The following ERCC6L2 variants were observed in gnomAD, a reference collection of about 807,000 sequenced individuals.
The protein encoded by ERCC6L2 is ERCC excision repair 6 like 2, also known as DNA excision repair protein ERCC-6-like 2.
In ERCC6L2, 77 loss-of-function variants were observed where a neutral mutation model predicts 132.0. That is an observed-to-expected ratio of 0.58 (90% CI 0.49 to 0.71). The LOEUF is 0.71. Among genes scored for constraint, ERCC6L2 ranks in the 30% least tolerant of loss-of-function variants. ERCC6L2 has a pLI of 0.00. For synonymous variants in ERCC6L2, 583 were observed against 632.4 expected (o/e 0.92, Z 1.17); for missense variants, 1,542 against 1,837.6 (o/e 0.84, Z 2.94).
chr9:96,031,061 A>C (rs1834453021), intron 19 of ERCC6L2, among the ~76,000 whole-genome samples: 1 of 152,150 alleles, frequency 6.6e-6, no homozygotes, highest in Non-Finnish European at 1.5e-5. Flanking sequence ...TGATTAAAAC[A>C]AGTCCCGGAC....
rs1473433263 is a variant in ERCC6L2 at position 95,985,517 on chromosome 9, A to G, written c.3492+7302A>G. Among the ~76,000 whole-genome samples the G allele has an allele frequency of 2.0e-5, 3 of 152,304 alleles. No individual in the cohort carries two copies. The East Asian group carries it at 5.8e-4, about 29-fold the overall frequency. ...GTGTTCTTCATTGTCATTATATGTC[A>G]TCTGTTGGCCATAATGCTGGTATAG... On this transcript the variant is annotated intron_variant, in intron 17 of 18. Coordinates refer to ENST00000653738, the MANE Select transcript of ERCC6L2 (RefSeq NM_020207.7).
At chr9:96,005,501 C>T (rs898295427) in intron 18 of ERCC6L2, among the ~76,000 whole-genome samples, 1 of 151,922 alleles carries the variant, frequency 6.6e-6, no homozygotes, top group Non-Finnish European at 1.5e-5. Context: ...GGAAGACTGT[C>T]TACATGGGTA....
chr9:95,951,380 A>C (rs1247888277), intron 12 of ERCC6L2, among the ~76,000 whole-genome samples: 1 of 152,180 alleles, frequency 6.6e-6, no homozygotes, highest in Non-Finnish European at 1.5e-5. Flanking sequence ...ATCAACAATT[A>C]ACTTTCCACC....
intron 16 of ERCC6L2, among the ~76,000 whole-genome samples, chr9:95,976,483 C>T (rs571457851): frequency 1.3e-5 from 2 of 152,128 alleles, no homozygotes; most frequent in Admixed American, 6.5e-5. Flanking sequence ...TTGTGCTTTC[C>T]GGTGAATACC....
intron 6 of ERCC6L2, among the ~76,000 whole-genome samples, chr9:95,917,536 A>G (rs74542506): frequency 0.13 from 19,434 of 152,238 alleles, 1,318 homozygotes; most frequent in South Asian, 0.24. Context: ...CTGACTTTTG[A>G]TATTTATCTA....
In ERCC6L2 at chr9:95,938,721, GTGTTT is replaced by G. The variant is rs377256609; in HGVS notation, c.1752-2721_1752-2717del. ...GCCTAGCTGTGTCATCATATTTAAAGTGTTTTGTTTTGTTTTTTGTGGAGAGCATA... is the reference window on the plus strand; with the variant it reads ...GCCTAGCTGTGTCATCATATTTAAAGTGTTTTGTTTTTTGTGGAGAGCATA... On this transcript the variant is annotated intron_variant, in intron 11 of 18. Transcript: ENST00000653738. 8.6e-3 allele frequency among the ~76,000 whole-genome samples: 1,301 copies of G among 152,040 alleles called. 21 individuals are homozygous for G. The highest frequency in any genetic ancestry group is 0.029 in the African/African-American group (1,220 of 41,484).
intron 5 of ERCC6L2, 86 bp from the exon 6 acceptor site, chr9:95,916,141 A>G: frequency 8.3e-7 from 1 of 1,202,754 alleles, no homozygotes; most frequent in Non-Finnish European, 1.2e-6. Context: ...GTTGATAATC[A>G]AGTAATGTAG....
At chr9:95,976,587 A>G (rs146331977) in intron 16 of ERCC6L2, among the ~76,000 whole-genome samples, 22 of 152,308 alleles carry the variant, frequency 1.4e-4, no homozygotes, top group African/African-American at 5.3e-4. Flanking sequence ...CAGAGTTCAT[A>G]GCTAGTGGAG....
At chr9:96,039,273 G>C (rs974227709) in intron 20 of ERCC6L2, among the ~76,000 whole-genome samples, 7 of 152,198 alleles carry the variant, frequency 4.6e-5, no homozygotes, top group Non-Finnish European at 1.0e-4. Context: ...GGGCAGGCGA[G>C]CCCCAGCCAG....
At chr9:95,985,822 C>G (rs1468407092) in intron 17 of ERCC6L2, among the ~76,000 whole-genome samples, 1 of 152,136 alleles carries the variant, frequency 6.6e-6, no homozygotes, top group African/African-American at 2.4e-5. Flanking sequence ...TTGGTACATA[C>G]CAACCACAGA....
Position 95,875,705 on chromosome 9 carries a change from T to G in ERCC6L2, c.-334T>G. ...AGACGGAAGTCAGAGCCTAGGAAGA[T>G]TTGGGGGTCGCCTTGCCGGCCTCCT... On this transcript the variant is annotated 5_prime_UTR_variant, in exon 1 of 19. Transcript: ENST00000653738. The G allele has an allele frequency of 1.2e-5, 5 of 400,578 alleles. No homozygotes were observed. The highest frequency in any genetic ancestry group is 2.3e-5 in the Non-Finnish European group (5 of 218,650). The allele number at this position is 400,578 out of a possible 1,614,324, so 24.8% of individuals were successfully genotyped here. A position where few individuals can be genotyped will look rare whatever the true frequency, so the allele number is the denominator to read the frequency against.
chr9:95,907,143 A>G lies in ERCC6L2; in HGVS notation c.660A>G (p.Gly220=). ...GGAAGGATGAATTGGACACCTGGGG[A>G]TATTTCAGAGTCACTGTTTTACATG... ...YNWKDELDTW[G]YFRVTVLHGN... The change falls in exon 4 of 19, where the codon GGA becomes GGG. Residue 220 remains glycine (G), a synonymous_variant. Transcript: ENST00000653738. 3 of 1,613,470 alleles carry G rather than the reference A, an allele frequency of 1.9e-6. No individual in the cohort carries two copies. Among genetic ancestry groups the G allele is most frequent in the Admixed American group, 1.7e-5 (1 of 59,936 alleles).
In ERCC6L2 at chr9:95,956,018, A is replaced by G. The variant is rs1031261807; in HGVS notation, c.1947+5A>G. ...TTACGACAGATATACAAGCAGGTAA[A>G]TATGTTTCCCTTTTTCTGTTTCAGA... On this transcript the variant is annotated splice_donor_5th_base_variant and intron_variant, in intron 13 of 18. Coordinates refer to ENST00000653738, the MANE Select transcript of ERCC6L2 (RefSeq NM_020207.7). 2.4e-5 allele frequency: 37 copies of G among 1,534,208 alleles called. No individual in the cohort carries two copies. Among genetic ancestry groups the G allele is most frequent in the Non-Finnish European group, 3.2e-5 (36 of 1,125,964 alleles).
chr9:95,985,650 T>G (rs1190140843), intron 17 of ERCC6L2, among the ~76,000 whole-genome samples: 1 of 152,240 alleles, frequency 6.6e-6, no homozygotes, highest in Non-Finnish European at 1.5e-5. Context: ...ATTGTGTGGC[T>G]TCCAGAGTCA....
In ERCC6L2 at chr9:96,013,250, T is replaced by C. The variant is rs1281558722; in HGVS notation, c.*47T>C. The C allele has an allele frequency of 7.8e-7, 1 of 1,289,972 alleles. No homozygotes were observed. The highest frequency in any genetic ancestry group is 1.5e-5 in the African/African-American group (1 of 64,990). The allele number at this position is 1,289,972 out of a possible 1,614,324, so 79.9% of individuals were successfully genotyped here. A position where few individuals can be genotyped will look rare whatever the true frequency, so the allele number is the denominator to read the frequency against. ...CCAGTAAACTGCTGCCATCACTGTTTACGGCACTGGATTCCACACTGATTC... is the reference window on the plus strand; with the variant it reads ...CCAGTAAACTGCTGCCATCACTGTTCACGGCACTGGATTCCACACTGATTC... On this transcript the variant is annotated 3_prime_UTR_variant, in exon 19 of 19. Transcript: ENST00000653738.
At chr9:95,928,028 G>A (rs754272603) in intron 9 of ERCC6L2, 51 bp from the exon 10 acceptor site, 5 of 1,209,078 alleles carry the variant, frequency 4.1e-6, no homozygotes, top group Non-Finnish European at 6.2e-6. Context: ...TATGTATAAA[G>A]TGTACTTTTA....
chr9:95,944,616 G>A (rs1234948264), intron 12 of ERCC6L2, among the ~76,000 whole-genome samples: 2 of 152,228 alleles, frequency 1.3e-5, no homozygotes, highest in Admixed American at 1.3e-4. Flanking sequence ...TGGATATTAG[G>A]TGTATCGGGG....
At chr9:96,029,388 T>TTTTTCACC (rs1278544287) in intron 19 of ERCC6L2, among the ~76,000 whole-genome samples, 1 of 145,712 alleles carries the variant, frequency 6.9e-6, no homozygotes, top group African/African-American at 2.5e-5. Context: ...AGGATACAGG[T>TTTTTCACC]GAAAAGGAGG....
chr9:96,026,881 CCA>C (rs1336309495), intron 19 of ERCC6L2, among the ~76,000 whole-genome samples: 6 of 129,754 alleles, frequency 4.6e-5, no homozygotes, highest in African/African-American at 1.6e-4. Flanking sequence ...ACCCCACACA[CCA>C]CACATACCAC....
Sources: gnomAD v4.1 joint callset for allele counts (sites outside exome capture counted in the v4.1 genomes callset) on GRCh38, gnomAD v4.1.1 for gene constraint, MANE v1.5 for transcripts, NCBI Gene and HGNC (gene_info 2026-07-23, HGNC 2026-07-21) for gene names.